The following PATJ variants were observed in gnomAD, a reference collection of about 807,000 sequenced individuals.
PATJ encodes the protein PATJ crumbs cell polarity complex component, also known as inaD-like protein.
Under a neutral mutation model 224.9 loss-of-function variants are expected in PATJ, and 190 were observed. The ratio of observed to expected loss-of-function variants is 0.84; its 90% confidence interval spans 0.75 to 0.95. The LOEUF is 0.95. Among genes scored for constraint, PATJ ranks in the 40% least tolerant of loss-of-function variants. PATJ has a pLI of 0.00. For synonymous variants in PATJ, 769 were observed against 820.3 expected (o/e 0.94, Z 1.07); for missense variants, 2,121 against 2,270.3 (o/e 0.93, Z 1.34).
intron 43 of PATJ, among the ~76,000 whole-genome samples, chr1:62,157,196 T>C (rs1048835918): frequency 1.3e-5 from 2 of 149,356 alleles, no homozygotes; most frequent in Non-Finnish European, 3.0e-5. Flanking sequence ...TAGTGGCAGG[T>C]GCCTGTAATC....
At chr1:62,047,530 G>A (rs1009499952) in intron 30 of PATJ, among the ~76,000 whole-genome samples, 13 of 152,136 alleles carry the variant, frequency 8.5e-5, no homozygotes, top group African/African-American at 2.7e-4. Flanking sequence ...GATTACAGGC[G>A]TGAGCCACCG....
At chr1:62,019,681 C>A (rs1570098764) in intron 29 of PATJ, among the ~76,000 whole-genome samples, 3 of 151,970 alleles carry the variant, frequency 2.0e-5, no homozygotes, top group Admixed American at 2.0e-4. Flanking sequence ...CCTTTGACAT[C>A]CTCTGTTAGA....
At position 61,800,168 on chromosome 1, in the gene PATJ, A is replaced by G. The variant is rs12027698; in HGVS notation, c.1403-1455A>G. 6.3e-3 allele frequency among the ~76,000 whole-genome samples: 962 copies of G among 152,330 alleles called. 44 individuals carry two copies. The East Asian group carries it at 0.12, about 19-fold the overall frequency. On this transcript the variant is annotated intron_variant, in intron 11 of 43. Coordinates refer to ENST00000642238, the MANE Select transcript of PATJ (RefSeq NM_001350145.3). ...ATTTTTAGTTCTTTAAGAGATCTCCATACTGTTTTCCACATCGACAGAAGT... is the reference window on the plus strand; with the variant it reads ...ATTTTTAGTTCTTTAAGAGATCTCCGTACTGTTTTCCACATCGACAGAAGT...
In PATJ at chr1:61,886,819, C is replaced by CAAAAAAAAAAAAAAAAAAAAA. The variant is rs35950461; in HGVS notation, c.3131+2423_3131+2424insAAAAAAAAAAAAAAAAAAAAA. Among the ~76,000 whole-genome samples, 713 of 87,454 alleles carry CAAAAAAAAAAAAAAAAAAAAA rather than the reference C, an allele frequency of 8.2e-3. 209 individuals are homozygous for CAAAAAAAAAAAAAAAAAAAAA. Among genetic ancestry groups the CAAAAAAAAAAAAAAAAAAAAA allele is most frequent in the Non-Finnish European group, 0.011 (393 of 37,350 alleles). The allele number at this position is 87,454 out of a possible 152,430, so 57.4% of individuals were successfully genotyped here. On this transcript the variant is annotated intron_variant, in intron 22 of 43. Coordinates refer to ENST00000642238, the MANE Select transcript of PATJ (RefSeq NM_001350145.3). ...TGGGCAACAGAGCAAGACCCCATCT[C>CAAAAAAAAAAAAAAAAAAAAA]AAAAAAAAAAAATTAGCCTGTTGTG...
intron 27 of PATJ, among the ~76,000 whole-genome samples, chr1:61,949,128 A>G (rs899747036): frequency 6.6e-6 from 1 of 151,864 alleles, no homozygotes; most frequent in African/African-American, 2.4e-5. Flanking sequence ...TGACAAGTTA[A>G]CGGGTGCAGC....
At chr1:62,098,815 A>G (rs947031960) in intron 33 of PATJ, among the ~76,000 whole-genome samples, 5 of 152,180 alleles carry the variant, frequency 3.3e-5, no homozygotes, top group Non-Finnish European at 7.3e-5. Flanking sequence ...TTTTTAAAGC[A>G]TTTGGTCACA....
At chr1:62,000,843 A>C (rs1173035230) in intron 28 of PATJ, among the ~76,000 whole-genome samples, 1 of 151,164 alleles carries the variant, frequency 6.6e-6, no homozygotes, top group Non-Finnish European at 1.5e-5. Context: ...ATTTCTCCAC[A>C]TCCTTTCCAG....
chr1:62,069,196 G>A (rs1255747927), intron 31 of PATJ, among the ~76,000 whole-genome samples: 1 of 152,164 alleles, frequency 6.6e-6, no homozygotes, highest in Non-Finnish European at 1.5e-5. Flanking sequence ...GTTGCTGGGA[G>A]GAGGTAAACA....
chr1:61,746,002 A>T (rs1056359540), intron 1 of PATJ, among the ~76,000 whole-genome samples: 12 of 152,084 alleles, frequency 7.9e-5, no homozygotes, highest in Admixed American at 3.9e-4. Context: ...CAGTGCCGCG[A>T]TCTCCACCCA....
chr1:62,050,934 A>T (rs777582654), intron 30 of PATJ, 32 bp from the exon 31 acceptor site: 96 of 1,526,208 alleles, frequency 6.3e-5, no homozygotes, highest in Non-Finnish European at 5.9e-5. Flanking sequence ...GAAGAATGAC[A>T]TCTTTGCCAT....
chr1:62,160,851 A>T, intron 43 of PATJ, 57 bp from the exon 44 acceptor site: 1 of 1,577,778 alleles, frequency 6.3e-7, no homozygotes, highest in Non-Finnish European at 8.7e-7. Flanking sequence ...TTTTAATATC[A>T]ATTTAATATA....
intron 17 of PATJ, among the ~76,000 whole-genome samples, chr1:61,844,493 C>T (rs138751214): frequency 5.9e-4 from 90 of 152,260 alleles, no homozygotes; most frequent in African/African-American, 2.1e-3. Flanking sequence ...TCCATGGCAT[C>T]AATTACCCAC....
intron 14 of PATJ, among the ~76,000 whole-genome samples, chr1:61,817,624 G>A (rs921427649): frequency 3.3e-4 from 50 of 152,290 alleles, no homozygotes; most frequent in African/African-American, 1.2e-3. Context: ...TCGCACCATT[G>A]CACTCCCGCC....
At chr1:61,772,133 A>G (rs1646655502) in intron 6 of PATJ, among the ~76,000 whole-genome samples, 1 of 133,458 alleles carries the variant, frequency 7.5e-6, no homozygotes, top group Admixed American at 8.1e-5. Context: ...TGTCTTTTCA[A>G]TGTCCTGTGG....
chr1:62,024,495 C>CT (rs754211983), intron 29 of PATJ, among the ~76,000 whole-genome samples: 3 of 152,100 alleles, frequency 2.0e-5, no homozygotes, highest in Non-Finnish European at 2.9e-5. Flanking sequence ...AGGAATTATG[C>CT]CTACATTTGT....
At chr1:61,772,992 A>T (rs1027875709) in intron 6 of PATJ, among the ~76,000 whole-genome samples, 9 of 152,128 alleles carry the variant, frequency 5.9e-5, no homozygotes, top group African/African-American at 2.2e-4. Context: ...CAGATAGTAG[A>T]TGTTCTAGAC....
chr1:62,053,922 G>T (rs1419170702), intron 31 of PATJ, among the ~76,000 whole-genome samples: 1 of 152,142 alleles, frequency 6.6e-6, no homozygotes, highest in Non-Finnish European at 1.5e-5. Flanking sequence ...CTATGTTCCA[G>T]GTACTGAAGA....
At chr1:61,999,859 C>A (rs1447805229) in intron 28 of PATJ, among the ~76,000 whole-genome samples, 1 of 151,936 alleles carries the variant, frequency 6.6e-6, no homozygotes. Context: ...TGAGGTGAGG[C>A]AGAGTTGTGG....
chr1:62,021,730 ATTAT>A (rs1041152445), intron 29 of PATJ, among the ~76,000 whole-genome samples: 6 of 152,088 alleles, frequency 3.9e-5, no homozygotes, highest in Non-Finnish European at 7.4e-5. Context: ...ATTCTGAATA[ATTAT>A]TTATTATAAG....
Sources: gnomAD v4.1 joint callset for allele counts (sites outside exome capture counted in the v4.1 genomes callset) on GRCh38, gnomAD v4.1.1 for gene constraint, MANE v1.5 for transcripts, NCBI Gene and HGNC (gene_info 2026-07-23, HGNC 2026-07-21) for gene names.